ATP9A: variants seen among roughly 807,000 people sequenced by gnomAD.
The protein encoded by ATP9A is probable phospholipid-transporting ATPase IIA.
Under a neutral mutation model 144.1 loss-of-function variants are expected in ATP9A, and 52 were observed. The observed-to-expected ratio is 0.36, with a 90% CI of 0.29 to 0.45. The LOEUF (loss-of-function observed/expected upper bound fraction) is 0.45. ATP9A is among the 20% of genes least tolerant of loss of function. ATP9A has a pLI of 1.00. For synonymous variants in ATP9A, 582 were observed against 557.4 expected (o/e 1.04, Z -0.62); for missense variants, 947 against 1,392.7 (o/e 0.68, Z 5.09).
intron 1 of ATP9A, among the ~76,000 whole-genome samples, chr20:51,754,111 C>T (rs112538572): frequency 2.1e-3 from 322 of 151,266 alleles, no homozygotes; most frequent in Non-Finnish European, 3.5e-3. Flanking sequence ...AGCCTGGAGC[C>T]CCACAGGAGG....
intron 4 of ATP9A, among the ~76,000 whole-genome samples, chr20:51,700,243 G>A (rs187647998): frequency 3.0e-4 from 45 of 152,232 alleles, no homozygotes; most frequent in Admixed American, 1.6e-3. Flanking sequence ...TAAAGAGGCC[G>A]GACACAGTGA....
chr20:51,733,601 C>A (rs1601135468), intron 1 of ATP9A, among the ~76,000 whole-genome samples: 1 of 152,042 alleles, frequency 6.6e-6, no homozygotes, highest in South Asian at 2.1e-4. Context: ...TCTTGAACTC[C>A]TGACCTCGTG....
In ATP9A at chr20:51,674,139, C is replaced by T. The variant is rs765821778; in HGVS notation, c.1037+14G>A. 11 of 1,612,546 alleles carry T rather than the reference C, an allele frequency of 6.8e-6. No individual in the cohort carries two copies. In the South Asian group the frequency reaches 7.7e-5, roughly 11 times the overall value. On this transcript the variant is annotated intron_variant, in intron 11 of 27. Coordinates refer to ENST00000338821, the MANE Select transcript of ATP9A (RefSeq NM_006045.3). ...ATGTCACGGCAGCCAAACTCAAGCT[C>T]GTCGCCTGCTTACCTAATGGGGATG...
intron 2 of ATP9A, among the ~76,000 whole-genome samples, chr20:51,729,190 T>C (rs995001776): frequency 1.3e-5 from 2 of 152,194 alleles, no homozygotes; most frequent in African/African-American, 2.4e-5. Flanking sequence ...ACTGCTGACA[T>C]TCTTTTCTGC....
chr20:51,744,811 G>A (rs1340567544), intron 1 of ATP9A, among the ~76,000 whole-genome samples: 1 of 152,152 alleles, frequency 6.6e-6, no homozygotes, highest in Non-Finnish European at 1.5e-5. Context: ...ATTGACGCTG[G>A]GCAGATCCAA....
At chr20:51,602,108 G>A (rs1475219400) in intron 27 of ATP9A, among the ~76,000 whole-genome samples, 1 of 151,970 alleles carries the variant, frequency 6.6e-6, no homozygotes, top group Non-Finnish European at 1.5e-5. Flanking sequence ...GGTGCAAAGT[G>A]TTCAGACCCC....
chr20:51,750,606 T>C (rs958528485), intron 1 of ATP9A, among the ~76,000 whole-genome samples: 11 of 152,170 alleles, frequency 7.2e-5, no homozygotes, highest in Admixed American at 3.9e-4. Context: ...TCAACGCGAA[T>C]GACTTGCCTT....
At chr20:51,657,213 G>A (rs2077390849) in intron 13 of ATP9A, 63 bp from the exon 14 acceptor site, 3 of 1,352,126 alleles carry the variant, frequency 2.2e-6, no homozygotes, top group South Asian at 2.4e-5. Context: ...GAGAGTGGAA[G>A]AACAGCCGTG....
chr20:51,619,869 CA>C (rs564118011), intron 19 of ATP9A, among the ~76,000 whole-genome samples: 163 of 83,892 alleles, frequency 1.9e-3, no homozygotes, highest in Non-Finnish European at 2.0e-3. Context: ...AACTCTGTCT[CA>C]AAAAAAAAAA....
chr20:51,709,273 G>C (rs895908508), intron 4 of ATP9A, among the ~76,000 whole-genome samples: 3 of 152,116 alleles, frequency 2.0e-5, no homozygotes, highest in Non-Finnish European at 4.4e-5. Context: ...CCAACACTTT[G>C]GGAGGCTGAG....
chr20:51,622,865 T>C (rs2077232438), intron 18 of ATP9A, among the ~76,000 whole-genome samples: 1 of 152,162 alleles, frequency 6.6e-6, no homozygotes, highest in Non-Finnish European at 1.5e-5. Flanking sequence ...GGGAGCAGTC[T>C]TGGGGCTATC....
intron 23 of ATP9A, among the ~76,000 whole-genome samples, chr20:51,612,573 T>C (rs1382363641): frequency 1.3e-5 from 2 of 152,124 alleles, no homozygotes; most frequent in African/African-American, 4.8e-5. Context: ...TATAGGTGCA[T>C]GCCACCATGT....
At chr20:51,755,692 G>A (rs983851048) in intron 1 of ATP9A, among the ~76,000 whole-genome samples, 37 of 152,134 alleles carry the variant, frequency 2.4e-4, no homozygotes, top group Non-Finnish European at 2.8e-4. Context: ...AGCCGGGCGC[G>A]GTGGCTCACG....
At chr20:51,738,337 A>T (rs2077771160) in intron 1 of ATP9A, among the ~76,000 whole-genome samples, 1 of 152,208 alleles carries the variant, frequency 6.6e-6, no homozygotes, top group South Asian at 2.1e-4. Flanking sequence ...GGCCTAAAAA[A>T]TTTTTTAAAA....
At chr20:51,715,643 C>T (rs1396886619) in intron 3 of ATP9A, among the ~76,000 whole-genome samples, 1 of 152,164 alleles carries the variant, frequency 6.6e-6, no homozygotes, top group Non-Finnish European at 1.5e-5. Context: ...TATACACACA[C>T]AGTTCTCATT....
intron 4 of ATP9A, among the ~76,000 whole-genome samples, chr20:51,701,769 T>G (rs868231366): frequency 6.6e-6 from 1 of 152,174 alleles, no homozygotes; most frequent in Non-Finnish European, 1.5e-5. Context: ...ATCTGCAGCT[T>G]GAACAAACAC....
At chr20:51,635,827 AGGG>A in intron 15 of ATP9A, among the ~76,000 whole-genome samples, 2 of 94,912 alleles carry the variant, frequency 2.1e-5, no homozygotes, top group Admixed American at 1.1e-4. Flanking sequence ...GAAGGAAGGG[AGGG>A]AGGGAGGGAG....
chr20:51,620,172 A>C (rs1289484408), intron 19 of ATP9A, among the ~76,000 whole-genome samples: 1 of 152,200 alleles, frequency 6.6e-6, no homozygotes, highest in East Asian at 1.9e-4. Context: ...TCTCCATCAC[A>C]ACCACTCAGC....
chr20:51,708,730 C>T (rs1219509213), intron 4 of ATP9A, among the ~76,000 whole-genome samples: 5 of 152,088 alleles, frequency 3.3e-5, no homozygotes, highest in African/African-American at 4.8e-5. Flanking sequence ...AGCAAGACTC[C>T]GTCTCAATAA....
Sources: allele counts gnomAD v4.1 joint callset (sites outside exome capture counted in the v4.1 genomes callset), GRCh38; gene constraint gnomAD v4.1.1; transcripts MANE v1.5; gene names NCBI Gene and HGNC (gene_info 2026-07-23, HGNC 2026-07-21).